The following DNAJC2 variants were observed in gnomAD, a reference collection of about 807,000 sequenced individuals.
DNAJC2 encodes DnaJ heat shock protein family (Hsp40) member C2.
A neutral mutation model predicts 94.0 loss-of-function variants in DNAJC2; 32 were observed. That is an observed-to-expected ratio of 0.34 (90% CI 0.26 to 0.46). The LOEUF is 0.46. Among genes scored for constraint, DNAJC2 ranks in the 20% least tolerant of loss-of-function variants. The pLI, the probability that DNAJC2 is intolerant of heterozygous loss-of-function variation, is 1.00. For missense variants in DNAJC2, 550 were observed against 719.5 expected, an observed-to-expected ratio of 0.76 and a Z score of 2.69; for synonymous variants, 210 against 229.7, an observed-to-expected ratio of 0.91 and a Z score of 0.77.
At chr7:103,314,660 A>T (rs1020916460) in intron 15 of DNAJC2, 1 of 985,306 alleles carries the variant, frequency 1.0e-6, no homozygotes, top group Non-Finnish European at 1.2e-6. Flanking sequence ...TACCTTTATT[A>T]AAAGAACCGA....
At chr7:103,334,568 C>T (rs959652977) in intron 3 of DNAJC2, among the ~76,000 whole-genome samples, 3 of 148,872 alleles carry the variant, frequency 2.0e-5, no homozygotes, top group East Asian at 4.0e-4. Context: ...AGTTAGACTC[C>T]GTCTTAAAAA....
intron 2 of DNAJC2, among the ~76,000 whole-genome samples, chr7:103,338,794 C>G (rs1819272199): frequency 6.6e-6 from 1 of 151,982 alleles, no homozygotes; most frequent in African/African-American, 2.4e-5. Context: ...CCTGTAATCC[C>G]AGCTACTCGG....
chr7:103,312,473 A>G lies in DNAJC2; in HGVS notation c.*96T>C, dbSNP rs1489496922. ...TCTGAGAAATTATGTTGGAAGCAGC[A>G]TACTTTCAAATTATTACCATGAGTA... is the stretch of plus-strand genomic sequence containing the variant. On this transcript the variant is annotated 3_prime_UTR_variant, in exon 17 of 17. Transcript: ENST00000379263. The G allele has an allele frequency of 5.8e-6, 9 of 1,551,350 alleles. No homozygotes were observed. The highest frequency in any genetic ancestry group is 6.1e-6 in the Non-Finnish European group (7 of 1,155,610).
At position 103,334,014 on chromosome 7, in the gene DNAJC2, G is replaced by T. The variant is rs575285207; in HGVS notation, c.331+3722C>A. Among the ~76,000 whole-genome samples, 60 of 150,328 alleles carry T rather than the reference G, an allele frequency of 4.0e-4. 1 individual carries two copies. The highest frequency in any genetic ancestry group is 1.4e-3 in the African/African-American group (58 of 40,932). ...TGCCCAGGCTGGAGTGCAGTGGCGT[G>T]ATCTCAGCTCACTGCAAGCTCCACC... On this transcript the variant is annotated intron_variant, in intron 3 of 16. Transcript: ENST00000379263.
intron 10 of DNAJC2, 88 bp from the exon 11 acceptor site, chr7:103,319,932 G>T: frequency 7.1e-7 from 1 of 1,405,348 alleles, no homozygotes; most frequent in Non-Finnish European, 1.0e-6. Flanking sequence ...CTACTCGGGA[G>T]GCTGAGGCAG....
Position 103,324,543 on chromosome 7 carries a change from C to T in DNAJC2, c.592G>A (p.Val198Ile), listed in dbSNP as rs1563463909. The T allele has an allele frequency of 2.7e-6, 4 of 1,486,098 alleles. No individual in the cohort carries two copies. Among genetic ancestry groups the T allele is most frequent in the Non-Finnish European group, 3.6e-6 (4 of 1,105,000 alleles). 92.1% of individuals were successfully genotyped at this position (1,486,098 alleles called of 1,614,324 possible). Residue 198 changes from valine to isoleucine, a missense_variant, in exon 6 of 17, where the codon GTT (valine) becomes ATT (isoleucine). Physicochemically the swap from Val to Ile is conservative, Grantham distance 29. This residue lies in a region of DNAJC2 where 279 missense variants were observed against 416.9 expected (regional missense o/e 0.67). Coordinates refer to ENST00000379263, the MANE Select transcript of DNAJC2 (RefSeq NM_014377.3). Reference sequence around the variant, plus strand: ...GAATTCATATCACCAAGTTTAGGAACATTTTTTTTATTTGACCATCTGAAA... The same window carrying T: ...GAATTCATATCACCAAGTTTAGGAATATTTTTTTTATTTGACCATCTGAAA... ...RNSRWSNKKNVPKLGDMNSSF... is the reference protein window; with the variant it reads ...RNSRWSNKKNIPKLGDMNSSF...
chr7:103,320,548 C>T (rs887645106), intron 10 of DNAJC2, among the ~76,000 whole-genome samples: 3 of 151,270 alleles, frequency 2.0e-5, no homozygotes, highest in Non-Finnish European at 4.4e-5. Flanking sequence ...ATCGTGAGGT[C>T]AGGAGATCGA....
chr7:103,316,570 C>A, intron 13 of DNAJC2: 1 of 421,248 alleles, frequency 2.4e-6, no homozygotes, highest in South Asian at 4.2e-5. Context: ...ACAGAGTAAG[C>A]CAACATAAAT....
intron 2 of DNAJC2, among the ~76,000 whole-genome samples, chr7:103,341,415 T>G (rs558040324): frequency 6.6e-6 from 1 of 152,234 alleles, no homozygotes; most frequent in East Asian, 1.9e-4. Flanking sequence ...ATACGACTTA[T>G]CAATTCCTCA....
intron 10 of DNAJC2, among the ~76,000 whole-genome samples, chr7:103,321,291 G>C (rs919169545): frequency 6.6e-6 from 1 of 152,012 alleles, no homozygotes; most frequent in Non-Finnish European, 1.5e-5. Context: ...GGCTGAGATG[G>C]GTGGATCATG....
chr7:103,316,223 C>T (rs912995860), intron 13 of DNAJC2, 135 bp from the exon 14 acceptor site: 12 of 485,988 alleles, frequency 2.5e-5, no homozygotes, highest in Non-Finnish European at 4.2e-5. Context: ...TCTAATTATG[C>T]TGCTACTATA....
rs1348548920 is a variant in DNAJC2 at position 103,344,576 on chromosome 7, G to A, written c.47C>T (p.Thr16Ile). ...SAADGRGTAI[T>I]HALTSASTLC... The stretch of plus-strand genomic sequence containing the variant: ...GCACTTACCAGAGGTCAGAGCGTGG[G>A]TGATGGCGGTGCCCCGGCCGTCCGC... The change falls in exon 1 of 17, where the codon ACC becomes ATC. Residue 16 changes from threonine to isoleucine, a missense_variant. This residue lies in a region of DNAJC2 where 279 missense variants were observed against 416.9 expected (regional missense o/e 0.67). Transcript: ENST00000379263. 3.7e-6 allele frequency: 6 copies of A among 1,613,428 alleles called. No individual in the cohort carries two copies. In the South Asian group the frequency reaches 5.5e-5, roughly 15 times the overall value.
intron 2 of DNAJC2, among the ~76,000 whole-genome samples, chr7:103,340,866 C>G (rs541897895): frequency 6.6e-6 from 1 of 152,162 alleles, no homozygotes; most frequent in Non-Finnish European, 1.5e-5. Flanking sequence ...GACAGCTTCA[C>G]CACTATGGTA....
rs577260706 is a variant in DNAJC2, at chr7:103,324,050, A to ATTTTT, written c.654-392_654-388dup. 2.8e-3 allele frequency among the ~76,000 whole-genome samples: 429 copies of ATTTTT among 152,280 alleles called. 4 individuals are homozygous for ATTTTT. Among genetic ancestry groups the ATTTTT allele is most frequent in the African/African-American group, 9.9e-3 (412 of 41,552 alleles). On this transcript the variant is annotated intron_variant, in intron 6 of 16. Transcript: ENST00000379263. ...ACAACTGATAGAACTAAATCTTGTT[A>ATTTTT]TTTTTGTTCTATGTGATTTTATGTT...
intron 12 of DNAJC2, among the ~76,000 whole-genome samples, chr7:103,318,462 G>A (rs1818195981): frequency 1.3e-5 from 2 of 152,068 alleles, no homozygotes; most frequent in East Asian, 3.9e-4. Context: ...TTTCAGGCTG[G>A]TTCAAACTAC....
chr7:103,324,882 C>T (rs1019385981), intron 5 of DNAJC2, among the ~76,000 whole-genome samples: 4 of 152,282 alleles, frequency 2.6e-5, no homozygotes, highest in African/African-American at 9.6e-5. Context: ...TGGCAGCTAG[C>T]CCCTTTTGCC....
intron 15 of DNAJC2, 140 bp downstream of exon 15, chr7:103,315,624 C>T (rs961602015): frequency 7.0e-6 from 4 of 573,936 alleles, no homozygotes; most frequent in Non-Finnish European, 9.2e-6. Flanking sequence ...AATCTTTGCC[C>T]TGGAAATGTT....
At chr7:103,330,137 A>C (rs999634285) in intron 3 of DNAJC2, among the ~76,000 whole-genome samples, 1 of 152,232 alleles carries the variant, frequency 6.6e-6, no homozygotes, top group East Asian at 1.9e-4. Context: ...ATGTGCTTTC[A>C]CTACCTACTC....
At chr7:103,314,045 A>C (rs374861773) in intron 15 of DNAJC2, 20 of 985,246 alleles carry the variant, frequency 2.0e-5, no homozygotes, top group South Asian at 4.7e-5. Context: ...AAAACAAAAC[A>C]AAACCACCAC....
Sources: gnomAD v4.1 joint callset for allele counts (sites outside exome capture counted in the v4.1 genomes callset) on GRCh38, gnomAD v4.1.1 for gene constraint, gnomAD v4.1.1 regional missense constraint, MANE v1.5 for transcripts, NCBI Gene and HGNC (gene_info 2026-07-23, HGNC 2026-07-21) for gene names.